Variants in AKIP1 observed in about 807,000 individuals in gnomAD.
AKIP1 encodes the protein A-kinase interacting protein 1.
Under a neutral mutation model 22.3 loss-of-function variants are expected in AKIP1, and 18 were observed. The observed-to-expected ratio is 0.81, with a 90% CI of 0.56 to 1.19. AKIP1 has a LOEUF of 1.19. Ranked by LOEUF, AKIP1 falls within the 50% of genes most tolerant of loss-of-function variation. AKIP1 has a pLI of 0.00. For synonymous variants in AKIP1, 120 were observed against 102.7 expected, an observed-to-expected ratio of 1.17 and a Z score of -1.02; for missense variants, 287 against 264.6, an observed-to-expected ratio of 1.08 and a Z score of -0.59.
At position 8,912,506 on chromosome 11, in the gene AKIP1, C is replaced by T; in HGVS notation, c.276C>T (p.Phe92=). ...LSASFRTMAE[F]MDYTSSQCGK... ...CTTCCTTCAGAACAATGGCTGAATT[C>T]ATGGACTATACTTCAAGTCAGTGTG... The change falls in exon 3 of 6, where the codon TTC becomes TTT. Residue 92 remains phenylalanine (F), a synonymous_variant. Transcript: ENST00000309377. 6.2e-7 allele frequency: 1 copy of T among 1,614,106 alleles called. No individual in the cohort carries two copies. The highest frequency in any genetic ancestry group is 1.1e-5 in the South Asian group (1 of 91,084).
rs1566106569 is a variant in AKIP1 at position 8,916,730 on chromosome 11, GC to G, written c.409-552del. Among the ~76,000 whole-genome samples the G allele has an allele frequency of 3.3e-5, 5 of 152,276 alleles. No individual in the cohort carries two copies. The South Asian group carries it at 8.3e-4, about 25-fold the overall frequency. ...AGTGGTGCCAGAGCTTGAGTCCTGA[GC>G]CCCCTTTTCTGGCCTAGCCTGAACT... On this transcript the variant is annotated intron_variant, in intron 4 of 5. Transcript: ENST00000309377.
intron 3 of AKIP1, among the ~76,000 whole-genome samples, chr11:8,913,174 C>T (rs1589921268): frequency 6.8e-6 from 1 of 147,334 alleles, no homozygotes; most frequent in East Asian, 2.0e-4. Context: ...CCACCGTGCC[C>T]GACCTTTTTT....
intron 2 of AKIP1, 23 bp from the exon 3 acceptor site, chr11:8,912,430 T>G (rs890394096): frequency 1.3e-6 from 2 of 1,595,926 alleles, no homozygotes; most frequent in African/African-American, 2.7e-5. Flanking sequence ...AGCTAACCTG[T>G]GACGTGCCAT....
At chr11:8,914,289 C>T (rs1019105547) in intron 3 of AKIP1, among the ~76,000 whole-genome samples, 1 of 152,186 alleles carries the variant, frequency 6.6e-6, no homozygotes, top group Admixed American at 6.5e-5. Context: ...TCGGAAGATT[C>T]TTCTTAAATT....
intron 3 of AKIP1, among the ~76,000 whole-genome samples, chr11:8,914,616 C>G (rs2064449567): frequency 6.6e-6 from 1 of 152,188 alleles, no homozygotes; most frequent in Non-Finnish European, 1.5e-5. Context: ...CAGGTGGCAG[C>G]ACGGGGATGC....
rs756322711 is a variant in AKIP1 at position 8,911,485 on chromosome 11, G to C, written c.36G>C (p.Gly12=). 4 of 1,606,176 alleles carry C rather than the reference G, an allele frequency of 2.5e-6. No homozygotes were observed. In the South Asian group the frequency reaches 4.5e-5, roughly 18 times the overall value. Residue 12 remains glycine (G), a synonymous_variant, in exon 2 of 6, where the codon GGG becomes GGC. Coordinates refer to ENST00000309377, the MANE Select transcript of AKIP1 (RefSeq NM_020642.4). ...GTTTGGCGGCCGCAGCGCTGAATGGGGTGGACCGACGTTCCCTGCAGCGTT... is the reference window on the plus strand; with the variant it reads ...GTTTGGCGGCCGCAGCGCTGAATGGCGTGGACCGACGTTCCCTGCAGCGTT... The part of the protein sequence containing the change: ...DNCLAAAALN[G]VDRRSLQRSA...
At chr11:8,919,225 C>G (rs1249548353) in intron 5 of AKIP1, 112 bp from the exon 6 acceptor site, 2 of 1,026,632 alleles carry the variant, frequency 1.9e-6, no homozygotes, top group Non-Finnish European at 2.9e-6. Flanking sequence ...CTGTCTCCCA[C>G]ATTAGCGCTT....
In AKIP1 at chr11:8,919,449, G is replaced by C. The variant is rs2064542624; in HGVS notation, c.602G>C (p.Gly201Ala). 1.2e-6 allele frequency: 2 copies of C among 1,614,164 alleles called. No individual in the cohort carries two copies. The highest frequency in any genetic ancestry group is 2.7e-5 in the African/African-American group (2 of 75,044). ...ACTCATGTGGTAGCAGTTGATTCTG[G>C]ACAAAGCGTGGACCTGGTCTTCCCT... is the stretch of plus-strand genomic sequence containing the variant. ...KKTHVVAVDS[G>A]QSVDLVFPV The change falls in exon 6 of 6, where the codon GGA (glycine) becomes GCA (alanine). Residue 201 changes from glycine (G) to alanine (A), a missense_variant. Transcript: ENST00000309377.
At position 8,911,729 on chromosome 11, in the gene AKIP1, G is replaced by T. The variant is rs570702042; in HGVS notation, c.222+58G>T. 25 of 1,439,050 alleles carry T rather than the reference G, an allele frequency of 1.7e-5. No individual in the cohort carries two copies. The African/African-American group carries it at 3.1e-4, about 18-fold the overall frequency. 89.1% of individuals were successfully genotyped at this position (1,439,050 alleles called of 1,614,324 possible). ...CCTTCGCGCCGCGGTAGCCCGCTGG[G>T]AGCCAGGGGTGCGCAGCGCAGAAGC... is the stretch of plus-strand genomic sequence containing the variant. On this transcript the variant is annotated intron_variant, in intron 2 of 5. Coordinates refer to ENST00000309377, the MANE Select transcript of AKIP1 (RefSeq NM_020642.4).
chr11:8,911,585 A>G lies in AKIP1; in HGVS notation c.136A>G (p.Lys46Glu), dbSNP rs1304500563. 2 of 1,611,224 alleles carry G rather than the reference A, an allele frequency of 1.2e-6. No homozygotes were observed. The highest frequency in any genetic ancestry group is 1.7e-6 in the Non-Finnish European group (2 of 1,179,164). ...GGACTGGCATGCCCTGGAGCGTCCC[A>G]AAGGCTGCATGGGGGTCCTTGCCCG... ...AVDWHALERP[K>E]GCMGVLAREA... Residue 46 changes from lysine (K) to glutamate (E), a missense_variant, in exon 2 of 6, where the codon AAA becomes GAA. Physicochemically the swap from Lys to Glu is moderately conservative, Grantham distance 56. Coordinates refer to ENST00000309377, the MANE Select transcript of AKIP1 (RefSeq NM_020642.4).
intron 1 of AKIP1, 108 bp downstream of exon 1, chr11:8,911,331 C>G: frequency 1.1e-6 from 1 of 940,962 alleles, no homozygotes; most frequent in Non-Finnish European, 1.6e-6. Context: ...TGGGGGCGGA[C>G]CAGGAGCGGT....
intron 4 of AKIP1, among the ~76,000 whole-genome samples, 186 bp downstream of exon 4, chr11:8,915,116 T>G (rs965473754): frequency 6.6e-6 from 1 of 152,148 alleles, no homozygotes; most frequent in Non-Finnish European, 1.5e-5. Context: ...AATAGGAGGT[T>G]GTCAAAAATA....
chr11:8,915,848 C>T (rs1474445963), intron 4 of AKIP1, among the ~76,000 whole-genome samples: 1 of 134,100 alleles, frequency 7.5e-6, no homozygotes, highest in Non-Finnish European at 1.6e-5. Context: ...TGTGGAGTCA[C>T]AGTCTTGCTC....
chr11:8,917,251 C>A, intron 4 of AKIP1, 36 bp from the exon 5 acceptor site: 1 of 1,439,490 alleles, frequency 6.9e-7, no homozygotes, highest in Non-Finnish European at 9.5e-7. Flanking sequence ...AAAGTGAAAG[C>A]TTGGGCACAA....
chr11:8,913,629 G>C (rs920569297), intron 3 of AKIP1, among the ~76,000 whole-genome samples: 3 of 152,154 alleles, frequency 2.0e-5, no homozygotes, highest in African/African-American at 7.2e-5. Flanking sequence ...AGTCCTACAT[G>C]GTTTTAAGGA....
intron 3 of AKIP1, among the ~76,000 whole-genome samples, chr11:8,913,227 C>T: frequency 6.8e-6 from 1 of 146,638 alleles, no homozygotes; most frequent in Non-Finnish European, 1.5e-5. Flanking sequence ...ATCACCCAGG[C>T]TGGTGTGCAG....
chr11:8,911,393 C>T, intron 1 of AKIP1, 51 bp from the exon 2 acceptor site: 1 of 1,482,688 alleles, frequency 6.7e-7, no homozygotes, highest in Middle Eastern at 2.0e-4. Context: ...GGAGCAGGGT[C>T]GCCGCGGCCC....
chr11:8,915,437 T>C (rs10743095), intron 4 of AKIP1, among the ~76,000 whole-genome samples: 52,780 of 145,670 alleles, frequency 0.36, 10,343 homozygotes, highest in Non-Finnish European at 0.43. Context: ...AATCATGGCT[T>C]ACTGCAGCCT....
At chr11:8,912,373 A>C in intron 2 of AKIP1, 80 bp from the exon 3 acceptor site, 1 of 1,137,384 alleles carries the variant, frequency 8.8e-7, no homozygotes, top group Non-Finnish European at 1.3e-6. Context: ...AAAAGTAAAA[A>C]GGAGACTATT....
Sources: gnomAD v4.1 joint callset for allele counts (sites outside exome capture counted in the v4.1 genomes callset) on GRCh38, gnomAD v4.1.1 for gene constraint, MANE v1.5 for transcripts, NCBI Gene and HGNC (gene_info 2026-07-23, HGNC 2026-07-21) for gene names.